Variants in SVIL observed in about 807,000 individuals in gnomAD.
The protein encoded by SVIL is supervillin.
In SVIL, 101 loss-of-function variants were observed where a neutral mutation model predicts 240.4. The ratio of observed to expected loss-of-function variants is 0.42; its 90% CI spans 0.36 to 0.50. The LOEUF is 0.50. SVIL is among the 20% of genes least tolerant of loss of function. SVIL has a pLI of 0.01. For missense variants in SVIL, 2,512 were observed against 2,818.7 expected (o/e 0.89, Z 2.46); for synonymous variants, 999 against 1,100.0 (o/e 0.91, Z 1.82).
At chr10:29,625,062 T>G (rs992981406) in intron 1 of SVIL, among the ~76,000 whole-genome samples, 4 of 151,862 alleles carry the variant, frequency 2.6e-5, no homozygotes, top group African/African-American at 9.7e-5. Context: ...AGGTGAATCG[T>G]CTTAAAAAGA....
At chr10:29,580,778 T>C (rs1225971846) in intron 1 of SVIL, among the ~76,000 whole-genome samples, 2 of 152,188 alleles carry the variant, frequency 1.3e-5, no homozygotes, top group Non-Finnish European at 2.9e-5. Flanking sequence ...GCCATCCTTC[T>C]ACCTCAGCCT....
chr10:29,685,314 T>A (rs150243773), intron 2 of SVIL, among the ~76,000 whole-genome samples: 1 of 152,352 alleles, frequency 6.6e-6, no homozygotes, highest in African/African-American at 2.4e-5. Flanking sequence ...CTTTATCTAG[T>A]CTACTACCAT....
intron 1 of SVIL, among the ~76,000 whole-genome samples, chr10:29,721,267 C>G (rs376402625): frequency 8.4e-6 from 1 of 119,156 alleles, no homozygotes; most frequent in Non-Finnish European, 2.0e-5. Flanking sequence ...CAAAAAAACA[C>G]CTCAATCCAA....
At chr10:29,508,174 T>C (rs1287178816) in intron 17 of SVIL, 2 of 343,760 alleles carry the variant, frequency 5.8e-6, no homozygotes, top group Non-Finnish European at 5.7e-6. Context: ...AAAAATAGTT[T>C]AAGGGCACGG....
intron 5 of SVIL, among the ~76,000 whole-genome samples, chr10:29,554,255 G>A (rs929732322): frequency 6.6e-6 from 1 of 152,104 alleles, no homozygotes; most frequent in Admixed American, 6.5e-5. Context: ...AGGCTTCAGT[G>A]AGCTTATCAG....
chr10:29,625,216 C>T (rs1957817468), intron 1 of SVIL, among the ~76,000 whole-genome samples: 1 of 152,188 alleles, frequency 6.6e-6, no homozygotes, highest in Non-Finnish European at 1.5e-5. Flanking sequence ...TTAAGACTAC[C>T]TTTCTTTTTA....
intron 2 of SVIL, among the ~76,000 whole-genome samples, chr10:29,683,073 C>A (rs139792593): frequency 6.7e-4 from 102 of 152,274 alleles, no homozygotes; most frequent in Middle Eastern, 6.8e-3. Context: ...TACAACTTGG[C>A]TTTATAGATT....
intron 1 of SVIL, among the ~76,000 whole-genome samples, chr10:29,693,698 C>T (rs182368353): frequency 1.1e-4 from 16 of 152,228 alleles, no homozygotes; most frequent in African/African-American, 3.6e-4. Flanking sequence ...CCCGAAAAAA[C>T]GTCTTTCAAA....
At chr10:29,682,674 G>T (rs1372372896) in intron 2 of SVIL, among the ~76,000 whole-genome samples, 1 of 152,200 alleles carries the variant, frequency 6.6e-6, no homozygotes, top group African/African-American at 2.4e-5. Context: ...GAATTAGACA[G>T]GCTTGGTGAA....
chr10:29,696,773 A>G (rs1962065119), intron 1 of SVIL, among the ~76,000 whole-genome samples: 1 of 150,746 alleles, frequency 6.6e-6, no homozygotes, highest in Non-Finnish European at 1.5e-5. Context: ...CCCGTCTGGG[A>G]AGTGAGGAGC....
chr10:29,543,118 G>A (rs1054536555), intron 6 of SVIL, among the ~76,000 whole-genome samples: 1 of 152,214 alleles, frequency 6.6e-6, no homozygotes, highest in African/African-American at 2.4e-5. Flanking sequence ...GGAATGCTAA[G>A]CAAGTGGGAG....
chr10:29,486,310 A>G (rs1947396848), intron 25 of SVIL, 80 bp from the exon 26 acceptor site: 1 of 1,592,480 alleles, frequency 6.3e-7, no homozygotes, highest in Non-Finnish European at 8.6e-7. Context: ...TGAATTTCAC[A>G]TTGTAAAATT....
chr10:29,725,876 G>C (rs1589585868), intron 1 of SVIL, among the ~76,000 whole-genome samples: 2 of 152,344 alleles, frequency 1.3e-5, no homozygotes, highest in East Asian at 3.9e-4. Context: ...CTTTATAGGA[G>C]AGAGTGGGGC....
At position 29,570,505 on chromosome 10, in the gene SVIL, C is replaced by T. The variant is rs12220772; in HGVS notation, c.-200-1193G>A. ...ACCACTTCAGTAGTTACATTGAAAG[C>T]ATGTATTTTCCTCTGTGCTGGAAGA... On this transcript the variant is annotated intron_variant, in intron 1 of 37. Coordinates refer to ENST00000355867, the MANE Select transcript of SVIL (RefSeq NM_021738.3). Among the ~76,000 whole-genome samples, 175 of 152,342 alleles carry T rather than the reference C, an allele frequency of 1.1e-3. 2 individuals are homozygous for T. The East Asian group carries it at 0.03, about 26-fold the overall frequency.
chr10:29,661,697 G>A (rs1959165562), intron 2 of SVIL, among the ~76,000 whole-genome samples: 2 of 152,166 alleles, frequency 1.3e-5, no homozygotes, highest in South Asian at 4.1e-4. Context: ...CCAGACAAAG[G>A]CATCCTTTTA....
intron 7 of SVIL, among the ~76,000 whole-genome samples, chr10:29,534,086 T>A (rs570163630): frequency 7.9e-5 from 12 of 152,326 alleles, no homozygotes; most frequent in Middle Eastern, 3.4e-3. Flanking sequence ...CTGGGCATCA[T>A]TATGAATAAT....
intron 20 of SVIL, 100 bp from the exon 21 acceptor site, chr10:29,493,491 G>C: frequency 7.6e-7 from 1 of 1,315,144 alleles, no homozygotes; most frequent in Non-Finnish European, 1.0e-6. Flanking sequence ...CTAAGTTCCA[G>C]GAGTGGAAGA....
chr10:29,497,877 T>G (rs570149329), intron 18 of SVIL, among the ~76,000 whole-genome samples: 4 of 149,432 alleles, frequency 2.7e-5, no homozygotes, highest in African/African-American at 7.4e-5. Context: ...AGGTCAGGAG[T>G]TCGAGACCAG....
At chr10:29,478,732 G>A (rs924943681) in intron 29 of SVIL, among the ~76,000 whole-genome samples, 27 of 151,726 alleles carry the variant, frequency 1.8e-4, no homozygotes, top group African/African-American at 6.5e-4. Context: ...ACCAGCCTGG[G>A]CAACATAGTG....
Sources: allele counts gnomAD v4.1 joint callset (sites outside exome capture counted in the v4.1 genomes callset), GRCh38; gene constraint gnomAD v4.1.1; transcripts MANE v1.5; gene names NCBI Gene and HGNC (gene_info 2026-07-23, HGNC 2026-07-21).